NEK11: variants seen among roughly 807,000 people sequenced by gnomAD.
NEK11 encodes the protein NIMA related kinase 11.
A neutral mutation model predicts 80.7 loss-of-function variants in NEK11; 72 were observed. The ratio of observed to expected loss-of-function variants is 0.89; its 90% CI spans 0.74 to 1.08. The LOEUF is 1.08. NEK11 is among the 50% of genes least tolerant of loss of function. The probability of loss-of-function intolerance (pLI) is 0.00; values close to 1 mark genes in which losing one functional copy is unlikely to be tolerated. For synonymous variants in NEK11, 251 were observed against 260.7 expected (o/e 0.96, Z 0.36); for missense variants, 764 against 763.6 (o/e 1.00, Z -0.01).
At position 131,152,546 on chromosome 3, in the gene NEK11, A is replaced by G. The variant is rs766974591; in HGVS notation, c.797+9A>G. The G allele has an allele frequency of 6.2e-7, 1 of 1,611,358 alleles. No homozygotes were observed. Among genetic ancestry groups the G allele is most frequent in the Middle Eastern group, 1.7e-4 (1 of 6,042 alleles). ...AATGCCATCATGGAAAGGTATAGAA[A>G]TAAACATGTTGTCACAGAAATAATT... On this transcript the variant is annotated intron_variant, in intron 8 of 17. Transcript: ENST00000383366.
chr3:131,102,185 A>G (rs935758958), intron 4 of NEK11, among the ~76,000 whole-genome samples: 1 of 152,084 alleles, frequency 6.6e-6, no homozygotes, highest in Non-Finnish European at 1.5e-5. Flanking sequence ...ATTTACATTC[A>G]GGGTTATTAT....
At chr3:131,036,181 G>T (rs1009915286) in intron 3 of NEK11, among the ~76,000 whole-genome samples, 1 of 152,172 alleles carries the variant, frequency 6.6e-6, no homozygotes, top group Non-Finnish European at 1.5e-5. Flanking sequence ...AACCCTTTCT[G>T]TGCATTTGGA....
At chr3:131,228,427 C>A in intron 14 of NEK11, 101 bp from the exon 15 acceptor site, 1 of 1,053,542 alleles carries the variant, frequency 9.5e-7, no homozygotes, top group Non-Finnish European at 1.3e-6. Flanking sequence ...GAAGCTTTGT[C>A]AACGCAAGCA....
intron 5 of NEK11, among the ~76,000 whole-genome samples, chr3:131,112,705 A>T (rs2080332418): frequency 6.6e-6 from 1 of 152,180 alleles, no homozygotes; most frequent in Non-Finnish European, 1.5e-5. Context: ...ACTTGACCCA[A>T]GGTAGGTTTC....
chr3:131,246,748 C>T (rs1157328437), intron 16 of NEK11, among the ~76,000 whole-genome samples: 1 of 152,048 alleles, frequency 6.6e-6, no homozygotes, highest in Non-Finnish European at 1.5e-5. Flanking sequence ...AAAGTGTTCC[C>T]TTTTCACTGC....
At chr3:131,230,452 TAATC>T (rs889109788) in intron 15 of NEK11, among the ~76,000 whole-genome samples, 4 of 152,168 alleles carry the variant, frequency 2.6e-5, no homozygotes, top group Non-Finnish European at 5.9e-5. Context: ...TTAAATGAAG[TAATC>T]AATATAAAGT....
intron 17 of NEK11, among the ~76,000 whole-genome samples, chr3:131,326,507 C>T (rs1368554071): frequency 6.6e-6 from 1 of 152,186 alleles, no homozygotes; most frequent in African/African-American, 2.4e-5. Flanking sequence ...GAATGCCCTT[C>T]TCCCAAGTCT....
At chr3:131,028,861 T>A (rs1156374480) in intron 2 of NEK11, among the ~76,000 whole-genome samples, 4 of 152,214 alleles carry the variant, frequency 2.6e-5, no homozygotes, top group Non-Finnish European at 4.4e-5. Context: ...GCCTAAACAG[T>A]CCTGCCTTTC....
chr3:131,085,255 C>A (rs73869507), intron 4 of NEK11, among the ~76,000 whole-genome samples: 1 of 152,128 alleles, frequency 6.6e-6, no homozygotes, highest in African/African-American at 2.4e-5. Flanking sequence ...TGTATGAATA[C>A]GTTGGCAATC....
At chr3:131,326,688 T>C (rs2096972111) in intron 17 of NEK11, among the ~76,000 whole-genome samples, 2 of 152,208 alleles carry the variant, frequency 1.3e-5, no homozygotes, top group African/African-American at 4.8e-5. Context: ...TGTAGAGGGG[T>C]ACCCTCCAGC....
chr3:131,114,257 A>G (rs1338009481), intron 5 of NEK11, among the ~76,000 whole-genome samples: 1 of 152,088 alleles, frequency 6.6e-6, no homozygotes, highest in Non-Finnish European at 1.5e-5. Context: ...ATCCAAAGGA[A>G]TGATTTTTTT....
intron 17 of NEK11, among the ~76,000 whole-genome samples, chr3:131,336,238 C>T (rs1278825687): frequency 6.6e-6 from 1 of 152,154 alleles, no homozygotes. Context: ...GTTACAGTAA[C>T]CAAAACAGCA....
chr3:131,208,140 G>T (rs1433063964), intron 14 of NEK11, among the ~76,000 whole-genome samples: 1 of 152,138 alleles, frequency 6.6e-6, no homozygotes, highest in African/African-American at 2.4e-5. Context: ...ATTAATTTTT[G>T]TACAAGGTGT....
At chr3:131,227,067 G>A (rs369237677) in intron 14 of NEK11, among the ~76,000 whole-genome samples, 16 of 151,122 alleles carry the variant, frequency 1.1e-4, no homozygotes, top group East Asian at 7.7e-4. Flanking sequence ...AAAAAAATAC[G>A]CTGTGTTGAA....
chr3:131,148,987 T>G (rs1011638245), intron 7 of NEK11, among the ~76,000 whole-genome samples: 1 of 152,054 alleles, frequency 6.6e-6, no homozygotes, highest in African/African-American at 2.4e-5. Flanking sequence ...TTTCTTTGTG[T>G]TGGGAACATT....
intron 16 of NEK11, among the ~76,000 whole-genome samples, chr3:131,258,703 C>T (rs943467827): frequency 2.0e-5 from 3 of 152,174 alleles, no homozygotes; most frequent in African/African-American, 7.2e-5. Flanking sequence ...AACTCCTTAA[C>T]TCTTGTTGTT....
At chr3:131,231,315 C>A (rs1050021257) in intron 15 of NEK11, among the ~76,000 whole-genome samples, 4 of 150,582 alleles carry the variant, frequency 2.7e-5, no homozygotes, top group African/African-American at 9.8e-5. Context: ...AGAGGTGTAG[C>A]CTTCCTGCGG....
intron 14 of NEK11, among the ~76,000 whole-genome samples, chr3:131,183,074 C>G (rs553045091): frequency 6.6e-6 from 1 of 152,128 alleles, no homozygotes; most frequent in African/African-American, 2.4e-5. Flanking sequence ...ACAGGACCAA[C>G]CTTTGTGTGT....
chr3:131,095,769 G>A (rs976941061), intron 4 of NEK11, among the ~76,000 whole-genome samples: 2 of 152,066 alleles, frequency 1.3e-5, no homozygotes, highest in African/African-American at 4.8e-5. Flanking sequence ...AAATTCCTTT[G>A]AGAAATTCCA....
Sources: gnomAD v4.1 joint callset for allele counts (sites outside exome capture counted in the v4.1 genomes callset) on GRCh38, gnomAD v4.1.1 for gene constraint, MANE v1.5 for transcripts, NCBI Gene and HGNC (gene_info 2026-07-23, HGNC 2026-07-21) for gene names.